The following LRRIQ1 variants were observed in gnomAD, a reference collection of about 807,000 sequenced individuals.
LRRIQ1 encodes the protein leucine rich repeats and IQ motif containing 1.
A neutral mutation model predicts 211.9 loss-of-function variants in LRRIQ1; 210 were observed. The ratio of observed to expected loss-of-function variants is 0.99; its 90% CI spans 0.89 to 1.11. The LOEUF is 1.11. LRRIQ1 is among the 50% of genes most tolerant of loss of function. LRRIQ1 has a pLI of 0.00. For missense variants in LRRIQ1, 2,136 were observed against 1,939.5 expected (o/e 1.10, Z -1.90); for synonymous variants, 699 against 650.1 (o/e 1.08, Z -1.14).
intron 24 of LRRIQ1, among the ~76,000 whole-genome samples, chr12:85,201,387 C>T (rs1442767008): frequency 5.9e-5 from 9 of 151,594 alleles, no homozygotes; most frequent in Non-Finnish European, 7.4e-5. Context: ...TTCTTTTATA[C>T]ATTTGGTATA....
In LRRIQ1 at chr12:85,196,415, A is replaced by G. The variant is rs1432361519; in HGVS notation, c.4823-33102A>G. Among the ~76,000 whole-genome samples, 34 of 149,508 alleles carry G rather than the reference A, an allele frequency of 2.3e-4. 1 individual carries two copies. Among genetic ancestry groups the G allele is most frequent in the East Asian group, 1.4e-3 (7 of 5,110 alleles). ...CAAAGCTGGAGGCATCACACTACCT[A>G]ACTTCAAACTATACTACAAGGCTAC... is the stretch of plus-strand genomic sequence containing the variant. On this transcript the variant is annotated intron_variant, in intron 24 of 26. Transcript: ENST00000393217.
intron 6 of LRRIQ1, among the ~76,000 whole-genome samples, chr12:85,050,724 C>G (rs1880203043): frequency 1.3e-5 from 2 of 152,172 alleles, no homozygotes; most frequent in African/African-American, 4.8e-5. Flanking sequence ...TTACATTTCT[C>G]ACACTTATCC....
intron 19 of LRRIQ1, among the ~76,000 whole-genome samples, chr12:85,144,750 T>C (rs1422540638): frequency 6.6e-6 from 1 of 151,662 alleles, no homozygotes; most frequent in African/African-American, 2.4e-5. Context: ...TCAAGTGTGA[T>C]AGAATGTTAT....
At chr12:85,068,349 A>G (rs1347525594) in intron 10 of LRRIQ1, among the ~76,000 whole-genome samples, 1 of 151,858 alleles carries the variant, frequency 6.6e-6, no homozygotes, top group African/African-American at 2.4e-5. Context: ...TCCTGGTTAT[A>G]CTATTAGTTT....
intron 9 of LRRIQ1, among the ~76,000 whole-genome samples, chr12:85,066,074 A>G (rs1281741340): frequency 1.3e-5 from 2 of 151,886 alleles, no homozygotes; most frequent in Non-Finnish European, 2.9e-5. Context: ...AGGGGACCAT[A>G]TGGATATGCG....
At chr12:85,272,464 A>T in the LRRIQ1 span, among the ~76,000 whole-genome samples, 1 of 152,204 alleles carries the variant, frequency 6.6e-6, no homozygotes, top group Non-Finnish European at 1.5e-5. Flanking sequence ...TTTCAAGAAT[A>T]TTAATCAGAA....
chr12:85,092,153 GATCATAACAAATCAGTTGCTTACAGA>G (rs1885459986), intron 11 of LRRIQ1, among the ~76,000 whole-genome samples: 1 of 152,162 alleles, frequency 6.6e-6, no homozygotes, highest in African/African-American at 2.4e-5. Flanking sequence ...ACTGCACAGA[GATCATAACAAATCAGTTGCTTACAGA>G]ATCATATAAA....
chr12:85,215,735 C>T (rs1240095392), intron 24 of LRRIQ1, among the ~76,000 whole-genome samples: 1 of 152,030 alleles, frequency 6.6e-6, no homozygotes, highest in Non-Finnish European at 1.5e-5. Context: ...GATGTGGCCA[C>T]CAACAATGCA....
intron 19 of LRRIQ1, among the ~76,000 whole-genome samples, chr12:85,151,422 C>T (rs538343953): frequency 1.3e-5 from 2 of 151,486 alleles, no homozygotes; most frequent in African/African-American, 4.8e-5. Context: ...ATAAATTATT[C>T]TAGTTTTAAA....
chr12:85,085,956 G>A (rs540131755), intron 11 of LRRIQ1, among the ~76,000 whole-genome samples: 2 of 152,240 alleles, frequency 1.3e-5, no homozygotes, highest in South Asian at 2.1e-4. Context: ...TATATATTTA[G>A]TAATGGTATT....
At chr12:85,161,109 C>G (rs769756502) in intron 24 of LRRIQ1, among the ~76,000 whole-genome samples, 7 of 151,960 alleles carry the variant, frequency 4.6e-5, no homozygotes, top group Non-Finnish European at 7.4e-5. Context: ...GTATTAAGCC[C>G]TATAAATTAT....
rs1374176905 is a variant in LRRIQ1, at chr12:85,098,536, T to C, written c.3069T>C (p.Asn1023=). The change falls in exon 12 of 27, where the codon AAT becomes AAC. Residue 1023 remains asparagine (N), a synonymous_variant. Coordinates refer to ENST00000393217, the MANE Select transcript of LRRIQ1 (RefSeq NM_001079910.2). The part of the protein sequence containing the change: ...GLLQILKLQG[N]YLSELPSLEN... ...TCCAAATATTGAAGTTACAGGGAAATTATCTGAGTGAGGTAATTGCTTTGA... is the reference window on the plus strand; with the variant it reads ...TCCAAATATTGAAGTTACAGGGAAACTATCTGAGTGAGGTAATTGCTTTGA... 2.5e-6 allele frequency: 4 copies of C among 1,607,426 alleles called. No individual in the cohort carries two copies. The African/African-American group carries it at 4.0e-5, about 16-fold the overall frequency.
At chr12:85,104,470 C>T (rs1886630306) in intron 14 of LRRIQ1, among the ~76,000 whole-genome samples, 2 of 151,874 alleles carry the variant, frequency 1.3e-5, no homozygotes, top group Admixed American at 6.6e-5. Flanking sequence ...TTCCCAGTCC[C>T]AGTCAGTCCA....
At chr12:85,170,985 A>G (rs1002481680) in intron 24 of LRRIQ1, among the ~76,000 whole-genome samples, 24 of 152,132 alleles carry the variant, frequency 1.6e-4, no homozygotes, top group Non-Finnish European at 3.4e-4. Flanking sequence ...TTTTTCATAT[A>G]AAATATCTGG....
chr12:85,046,040 A>G lies in LRRIQ1; in HGVS notation c.357A>G (p.Lys119=), dbSNP rs1277229626. The change falls in exon 5 of 27, where the codon AAA becomes AAG. Residue 119 remains lysine (K), a synonymous_variant. Coordinates refer to ENST00000393217, the MANE Select transcript of LRRIQ1 (RefSeq NM_001079910.2). ...CTTAGATATTATCTGAAATAGAAAAAGAAGAATTTATGAGAAGTAAAACCG... is the reference window on the plus strand; with the variant it reads ...CTTAGATATTATCTGAAATAGAAAAGGAAGAATTTATGAGAAGTAAAACCG... ...QLIKILSEIE[K]EEFMRSKTDC... The G allele has an allele frequency of 6.2e-7, 1 of 1,607,664 alleles. No individual in the cohort carries two copies. The highest frequency in any genetic ancestry group is 1.3e-5 in the African/African-American group (1 of 74,798).
intron 19 of LRRIQ1, among the ~76,000 whole-genome samples, chr12:85,148,349 G>A (rs1592884035): frequency 6.6e-6 from 1 of 151,868 alleles, no homozygotes; most frequent in East Asian, 2.0e-4. Flanking sequence ...CCCTCCCTGT[G>A]TCCATATGTT....
At chr12:85,076,780 ATTT>A (rs35461127) in intron 11 of LRRIQ1, among the ~76,000 whole-genome samples, 3 of 145,936 alleles carry the variant, frequency 2.1e-5, no homozygotes, top group Admixed American at 6.8e-5. Flanking sequence ...CTATTCAGTG[ATTT>A]TTTTTTTTTT....
chr12:85,255,689 T>C (rs1467869583), intron 1 of LRRIQ1, among the ~76,000 whole-genome samples: 1 of 151,778 alleles, frequency 6.6e-6, no homozygotes, highest in African/African-American at 2.4e-5. Flanking sequence ...AATTCATATT[T>C]TAAGAGTCTT....
At chr12:85,071,828 C>G (rs1307190627) in intron 10 of LRRIQ1, among the ~76,000 whole-genome samples, 1 of 152,028 alleles carries the variant, frequency 6.6e-6, no homozygotes. Flanking sequence ...GACTTATTCA[C>G]TACCACAAAA....
Sources: gnomAD v4.1 joint callset for allele counts (sites outside exome capture counted in the v4.1 genomes callset) on GRCh38, gnomAD v4.1.1 for gene constraint, MANE v1.5 for transcripts, NCBI Gene and HGNC (gene_info 2026-07-23, HGNC 2026-07-21) for gene names.